KALRN: variants seen among roughly 807,000 people sequenced by gnomAD.
KALRN encodes kalirin.
In KALRN, 70 loss-of-function variants were observed where a neutral mutation model predicts 353.7. That is an observed-to-expected ratio of 0.20 (90% CI 0.16 to 0.24). The LOEUF (loss-of-function observed/expected upper bound fraction) is 0.24, where lower values mean the gene tolerates loss of function less well. Among genes scored for constraint, KALRN ranks in the 10% least tolerant of loss-of-function variants. KALRN has a pLI of 1.00. For synonymous variants in KALRN, 1,391 were observed against 1,434.8 expected, an observed-to-expected ratio of 0.97 and a Z score of 0.69; for missense variants, 2,791 against 3,756.7, an observed-to-expected ratio of 0.74 and a Z score of 6.72.
chr3:124,341,940 G>A (rs1581153945), intron 9 of KALRN, among the ~76,000 whole-genome samples: 1 of 152,044 alleles, frequency 6.6e-6, no homozygotes, highest in East Asian at 1.9e-4. Flanking sequence ...GGAAAGTGAA[G>A]GGAAAAACAG....
chr3:124,230,445 T>C (rs1384413969), intron 2 of KALRN, among the ~76,000 whole-genome samples: 1 of 152,198 alleles, frequency 6.6e-6, no homozygotes, highest in Non-Finnish European at 1.5e-5. Context: ...CACTCTGACA[T>C]GGAGACCCTT....
chr3:124,544,625 T>C (rs1372364753), intron 33 of KALRN, among the ~76,000 whole-genome samples: 7 of 150,048 alleles, frequency 4.7e-5, no homozygotes, highest in Admixed American at 4.6e-4. Flanking sequence ...TATGTATATC[T>C]ATATATCTAT....
At chr3:124,660,846 T>C in intron 43 of KALRN, 77 bp from the exon 44 acceptor site, 1 of 1,015,180 alleles carries the variant, frequency 9.9e-7, no homozygotes, top group Non-Finnish European at 1.6e-6. Context: ...TATTGTATTT[T>C]TATGATAAGT....
intron 1 of KALRN, among the ~76,000 whole-genome samples, chr3:124,085,664 T>C (rs79831367): frequency 6.6e-6 from 1 of 152,200 alleles, no homozygotes; most frequent in Non-Finnish European, 1.5e-5. Flanking sequence ...AGGGAGCACC[T>C]CCTTTTTCAG....
chr3:124,076,489 C>T (rs1459524424), intron 1 of KALRN, among the ~76,000 whole-genome samples: 3 of 152,146 alleles, frequency 2.0e-5, no homozygotes, highest in East Asian at 3.9e-4. Context: ...GCCTGACACA[C>T]GTGTTAATGA....
intron 13 of KALRN, among the ~76,000 whole-genome samples, chr3:124,399,409 A>T (rs757905818): frequency 2.0e-5 from 3 of 152,214 alleles, no homozygotes; most frequent in Non-Finnish European, 4.4e-5. Context: ...AAGTGCTGGG[A>T]TTACAGGCAT....
intron 1 of KALRN, among the ~76,000 whole-genome samples, chr3:124,143,816 T>A (rs1302361725): frequency 6.6e-6 from 1 of 152,192 alleles, no homozygotes; most frequent in Non-Finnish European, 1.5e-5. Flanking sequence ...ATTTGTTCAA[T>A]AAATAAGACT....
chr3:124,456,587 C>T lies in KALRN; in HGVS notation c.3736-23C>T, dbSNP rs753272047. The T allele has an allele frequency of 4.1e-5, 65 of 1,567,552 alleles. No homozygotes were observed. The East Asian group carries it at 1.2e-3, about 30-fold the overall frequency. On this transcript the variant is annotated intron_variant, in intron 22 of 59. Transcript: ENST00000682506. ...CTTTCCCAAAGCATCACAAGGTGAC[C>T]TTTGTGATCCCTCCATGTGCAGGAT...
chr3:124,453,228 G>A (rs1328770499), intron 21 of KALRN, among the ~76,000 whole-genome samples: 1 of 152,148 alleles, frequency 6.6e-6, no homozygotes, highest in Admixed American at 6.5e-5. Context: ...TTTCATGGCT[G>A]AGGAGATGTT....
chr3:124,446,771 C>A lies in KALRN; in HGVS notation c.3438C>A (p.Asp1146Glu), dbSNP rs1221976524. 1 of 1,614,100 alleles carries A rather than the reference C, an allele frequency of 6.2e-7. No homozygotes were observed. The highest frequency in any genetic ancestry group is 8.5e-7 in the Non-Finnish European group (1 of 1,179,992). The change falls in exon 21 of 60, where the codon GAC (aspartate) becomes GAA (glutamate). Residue 1146 changes from aspartate to glutamate, a missense_variant. Coordinates refer to ENST00000682506, the MANE Select transcript of KALRN (RefSeq NM_001388419.1). The part of the protein sequence containing the change: ...VFERSAKQAL[D>E]WIQETGEFYL... ...GTTGTTTCCTCCCATAGGCGCTTGA[C>A]TGGATCCAAGAAACAGGTGAATTTT... is the stretch of plus-strand genomic sequence containing the variant.
At chr3:124,301,956 A>G (rs2077301859) in intron 6 of KALRN, among the ~76,000 whole-genome samples, 1 of 152,232 alleles carries the variant, frequency 6.6e-6, no homozygotes, top group Non-Finnish European at 1.5e-5. Flanking sequence ...GAAATAGGCC[A>G]ATGGTTCCTT....
At chr3:124,600,502 C>T (rs1197190381) in intron 34 of KALRN, among the ~76,000 whole-genome samples, 2 of 152,192 alleles carry the variant, frequency 1.3e-5, no homozygotes, top group Admixed American at 1.3e-4. Flanking sequence ...TGTGGAATGG[C>T]TTTGCCAAGT....
At chr3:124,178,885 G>T (rs1231067953) in intron 1 of KALRN, among the ~76,000 whole-genome samples, 1 of 152,140 alleles carries the variant, frequency 6.6e-6, no homozygotes, top group Non-Finnish European at 1.5e-5. Flanking sequence ...GGGGAGGATC[G>T]CTTGAGGCCA....
Position 124,430,752 on chromosome 3 carries a change from G to A in KALRN, c.2806G>A (p.Glu936Lys). Residue 936 changes from glutamate to lysine, a missense_variant, in exon 16 of 60, where the codon GAG (glutamate) becomes AAG (lysine). By Grantham distance (56) the Glu-to-Lys change is moderately conservative. Transcript: ENST00000682506. ...SEAEQLQREHEQFQLAIESLF... is the reference protein window; with the variant it reads ...SEAEQLQREHKQFQLAIESLF... Reference sequence around the variant, plus strand: ...AGCAGAGCAGCTGCAGCGGGAGCACGAGCAGTTCCAACTGGCCATCGAGGT... The same window carrying A: ...AGCAGAGCAGCTGCAGCGGGAGCACAAGCAGTTCCAACTGGCCATCGAGGT... The A allele has an allele frequency of 1.2e-6, 2 of 1,614,014 alleles. No homozygotes were observed. Among genetic ancestry groups the A allele is most frequent in the Non-Finnish European group, 1.7e-6 (2 of 1,179,976 alleles).
At chr3:124,222,412 C>A (rs544606398) in intron 1 of KALRN, among the ~76,000 whole-genome samples, 104 of 152,266 alleles carry the variant, frequency 6.8e-4, no homozygotes, top group Middle Eastern at 3.4e-3. Flanking sequence ...GGAGAGGGGT[C>A]TTCCCATGGT....
intron 1 of KALRN, chr3:124,100,535 G>T (rs555242426): frequency 6.6e-6 from 1 of 152,164 alleles, no homozygotes; most frequent in African/African-American, 2.4e-5. Context: ...AAAGACTTAC[G>T]TGTAAGACCA....
intron 47 of KALRN, among the ~76,000 whole-genome samples, chr3:124,669,974 T>C (rs1471885795): frequency 6.7e-6 from 1 of 148,576 alleles, no homozygotes; most frequent in East Asian, 1.9e-4. Flanking sequence ...TTTTTTTTTT[T>C]TTTTTCTTTT....
At chr3:124,435,602 G>A (rs1039248071) in intron 17 of KALRN, among the ~76,000 whole-genome samples, 8 of 152,162 alleles carry the variant, frequency 5.3e-5, no homozygotes, top group East Asian at 1.9e-4. Context: ...AGGGACCATC[G>A]GAAAGTCTTC....
At chr3:124,643,421 T>C (rs1276073817) in intron 37 of KALRN, among the ~76,000 whole-genome samples, 1 of 152,190 alleles carries the variant, frequency 6.6e-6, no homozygotes, top group East Asian at 1.9e-4. Flanking sequence ...CCCCAACAGT[T>C]TGCCTAGGAA....
Sources: allele counts gnomAD v4.1 joint callset (sites outside exome capture counted in the v4.1 genomes callset), GRCh38; gene constraint gnomAD v4.1.1; transcripts MANE v1.5; gene names NCBI Gene and HGNC (gene_info 2026-07-23, HGNC 2026-07-21).